Variants in OTOA observed in about 807,000 individuals in gnomAD.
The protein encoded by OTOA is cancer/testis antigen 108.
Under a neutral mutation model 110.8 loss-of-function variants are expected in OTOA, and 70 were observed. That is an observed-to-expected ratio of 0.63 (90% confidence interval 0.52 to 0.77). The LOEUF (loss-of-function observed/expected upper bound fraction) is 0.77. OTOA is among the 30% of genes least tolerant of loss of function. OTOA has a pLI of 0.00. For missense variants in OTOA, 917 were observed against 1,075.8 expected (o/e 0.85, Z 2.06); for synonymous variants, 373 against 431.5 (o/e 0.86, Z 1.68).
chr16:21,676,705 A>C (rs1966858569), intron 1 of OTOA, among the ~76,000 whole-genome samples: 1 of 152,194 alleles, frequency 6.6e-6, no homozygotes. Flanking sequence ...CTCTCTGTGC[A>C]ACTTCCTCCT....
chr16:21,689,167 GC>G (rs922388323), intron 8 of OTOA, among the ~76,000 whole-genome samples: 2 of 151,934 alleles, frequency 1.3e-5, no homozygotes, highest in African/African-American at 4.8e-5. Context: ...GTGCTTTATG[GC>G]CATAAAGCAC....
chr16:21,689,830 T>G (rs1897792524), intron 8 of OTOA, among the ~76,000 whole-genome samples: 1 of 151,988 alleles, frequency 6.6e-6, no homozygotes, highest in African/African-American at 2.4e-5. Flanking sequence ...GGATTACAGG[T>G]GCATGCCACC....
At chr16:21,666,555 TG>T (rs765897807) in intron 1 of OTOA, among the ~76,000 whole-genome samples, 1 of 152,160 alleles carries the variant, frequency 6.6e-6, no homozygotes, top group Non-Finnish European at 1.5e-5. Flanking sequence ...CCCGGGCAAC[TG>T]GGAAAGTTGA....
chr16:21,679,018 T>A lies in OTOA; in HGVS notation c.121-18T>A. ...AACTTTTGGTTGTTATACTTGATGT[T>A]ATCTCTTTGCCTTTTAGGAAGAAAT... is the stretch of plus-strand genomic sequence containing the variant. On this transcript the variant is annotated intron_variant, in intron 3 of 28. Transcript: ENST00000646100. 6.2e-7 allele frequency: 1 copy of A among 1,614,026 alleles called. No homozygotes were observed. Among genetic ancestry groups the A allele is most frequent in the South Asian group, 1.1e-5 (1 of 91,088 alleles).
chr16:21,669,007 T>C (rs934647080), intron 1 of OTOA, among the ~76,000 whole-genome samples: 1 of 152,026 alleles, frequency 6.6e-6, no homozygotes, highest in African/African-American at 2.4e-5. Context: ...TCTCCGTAAA[T>C]TTACTTTCTT....
intron 11 of OTOA, among the ~76,000 whole-genome samples, chr16:21,704,352 C>T (rs1445732785): frequency 2.0e-5 from 3 of 152,070 alleles, no homozygotes; most frequent in Admixed American, 2.0e-4. Context: ...GCTACCGGCA[C>T]CTTTCTTTCC....
chr16:21,759,788 T>C (rs532937918), intron 28 of OTOA, among the ~76,000 whole-genome samples: 2 of 152,054 alleles, frequency 1.3e-5, no homozygotes, highest in African/African-American at 4.8e-5. Context: ...TAGTCCCAGT[T>C]ACTAGGGAAG....
chr16:21,714,311 T>TCCTTCCTTCCTA (rs1898458840), intron 13 of OTOA, among the ~76,000 whole-genome samples: 1 of 130,794 alleles, frequency 7.6e-6, no homozygotes, highest in Non-Finnish European at 1.7e-5. Context: ...CTTCCTTCCT[T>TCCTTCCTTCCTA]CCTTCCTTCC....
intron 20 of OTOA, 164 bp from the exon 21 acceptor site, chr16:21,730,673 C>A (rs1016245815): frequency 1.7e-5 from 10 of 602,774 alleles, no homozygotes; most frequent in Non-Finnish European, 2.8e-5. Context: ...TCTGATTGGT[C>A]AGCCTGCATC....
At position 21,700,935 on chromosome 16, in the gene OTOA, G is replaced by A. The variant is rs752002752; in HGVS notation, c.888G>A (p.Met296Ile). 1.2e-6 allele frequency: 2 copies of A among 1,614,052 alleles called. No homozygotes were observed. Among genetic ancestry groups the A allele is most frequent in the South Asian group, 2.2e-5 (2 of 91,076 alleles). Residue 296 changes from methionine (M) to isoleucine (I), a missense_variant, in exon 11 of 29, where the codon ATG (methionine) becomes ATA (isoleucine). Met to Ile is a conservative substitution (Grantham distance 10). Around this residue, in one of 6 missense-constraint regions of OTOA, gnomAD observed 840 missense variants for 910.2 expected, o/e 0.92. Coordinates refer to ENST00000646100, the MANE Select transcript of OTOA (RefSeq NM_144672.4). Reference protein sequence around the residue: ...SYDNATKQLDMVYDITPELAQ... With the variant: ...SYDNATKQLDIVYDITPELAQ... ...ACAACGCCACCAAGCAGCTGGACAT[G>A]GTCTATGACATCACACCTGAGCTGG...
intron 9 of OTOA, among the ~76,000 whole-genome samples, chr16:21,696,549 T>C (rs1326633177): frequency 6.6e-6 from 1 of 152,072 alleles, no homozygotes; most frequent in Non-Finnish European, 1.5e-5. Flanking sequence ...CAGTCAAACA[T>C]ATTTCATGTT....
chr16:21,758,271 A>C (rs978591963), intron 28 of OTOA, among the ~76,000 whole-genome samples: 2 of 151,702 alleles, frequency 1.3e-5, no homozygotes, highest in African/African-American at 4.8e-5. Flanking sequence ...ATAGCTTCTA[A>C]CAAGATGGGG....
In OTOA at chr16:21,715,189, CA is replaced by C. The variant is rs1257586859; in HGVS notation, c.1488+38del. ...ATGTCTGGTGCTCAGCCACATGTCA[CA>C]GGGGGTATGTTTTTGGGGTTGGTGA... On this transcript the variant is annotated intron_variant, in intron 14 of 28. Transcript: ENST00000646100. 5 of 1,613,732 alleles carry C rather than the reference CA, an allele frequency of 3.1e-6. No homozygotes were observed. The Admixed American group carries it at 5.0e-5, about 16-fold the overall frequency.
intron 6 of OTOA, among the ~76,000 whole-genome samples, chr16:21,684,719 C>CATTATT (rs1567366079): frequency 7.7e-6 from 1 of 130,438 alleles, no homozygotes; most frequent in South Asian, 2.6e-4. Flanking sequence ...TGAGGAATCC[C>CATTATT]CTTATTATTA....
Position 21,678,498 on chromosome 16 carries a change from A to G in OTOA, c.-4-13A>G, listed in dbSNP as rs748135737. 61 of 1,595,196 alleles carry G rather than the reference A, an allele frequency of 3.8e-5. No individual in the cohort carries two copies. The highest frequency in any genetic ancestry group is 1.1e-4 in the East Asian group (5 of 44,628). On this transcript the variant is annotated splice_polypyrimidine_tract_variant and intron_variant, in intron 1 of 28. Coordinates refer to ENST00000646100, the MANE Select transcript of OTOA (RefSeq NM_144672.4). Reference sequence around the variant, plus strand: ...AAAAACATGAATCACTTCTATGCTTAAATTAACTACAGGAGAATGTCTCAG... The same window carrying G: ...AAAAACATGAATCACTTCTATGCTTGAATTAACTACAGGAGAATGTCTCAG...
chr16:21,730,409 G>A (rs566681127), intron 20 of OTOA: 9 of 218,062 alleles, frequency 4.1e-5, no homozygotes, highest in Admixed American at 2.1e-4. Flanking sequence ...TAAAGAGAAC[G>A]GGAATGTATT....
At chr16:21,697,753 T>A (rs1474302379) in intron 9 of OTOA, 22 bp from the exon 10 acceptor site, 1 of 1,607,020 alleles carries the variant, frequency 6.2e-7, no homozygotes, top group Non-Finnish European at 8.5e-7. Context: ...TACTCATTTA[T>A]TCATTTCTTT....
intron 9 of OTOA, among the ~76,000 whole-genome samples, chr16:21,696,017 C>T (rs971007860): frequency 6.7e-6 from 1 of 150,200 alleles, no homozygotes; most frequent in Non-Finnish European, 1.5e-5. Context: ...GCCTCAGCTT[C>T]CTGAGTAGCT....
At chr16:21,720,907 T>TTATTATTATTATTATTATTAC (rs1181929374) in intron 17 of OTOA, among the ~76,000 whole-genome samples, 3 of 149,254 alleles carry the variant, frequency 2.0e-5, no homozygotes, top group African/African-American at 7.4e-5. Context: ...ATTATTATTA[T>TTATTATTATTATTATTATTAC]TATTATTATT....
Sources: allele counts gnomAD v4.1 joint callset (sites outside exome capture counted in the v4.1 genomes callset), GRCh38; gene constraint gnomAD v4.1.1; regional missense constraint gnomAD v4.1.1; transcripts MANE v1.5; gene names NCBI Gene and HGNC (gene_info 2026-07-23, HGNC 2026-07-21).